RFX3: variants seen among roughly 807,000 people sequenced by gnomAD.
RFX3 encodes the protein transcription factor RFX3.
Under a neutral mutation model 98.6 loss-of-function variants are expected in RFX3, and 14 were observed. That is an observed-to-expected ratio of 0.14 (90% CI 0.09 to 0.22). The LOEUF is 0.22. Ranked by LOEUF, RFX3 falls within the 10% of genes least tolerant of loss-of-function variation. RFX3 has a pLI of 1.00. For missense variants in RFX3, 639 were observed against 926.9 expected (o/e 0.69, Z 4.03); for synonymous variants, 383 against 328.4 (o/e 1.17, Z -1.80).
At chr9:3,493,321 C>G (rs1281708570) in intron 1 of RFX3, among the ~76,000 whole-genome samples, 5 of 152,104 alleles carry the variant, frequency 3.3e-5, no homozygotes, top group Non-Finnish European at 7.4e-5. Flanking sequence ...TGCTATCTAT[C>G]CTACACAGAT....
chr9:3,361,611 C>CA (rs1169622570), intron 2 of RFX3, among the ~76,000 whole-genome samples: 1 of 146,814 alleles, frequency 6.8e-6, no homozygotes, highest in Non-Finnish European at 1.5e-5. Flanking sequence ...TGTTTGAGCC[C>CA]AGGAGGTCAA....
chr9:3,400,772 C>T (rs1841401264), intron 1 of RFX3, among the ~76,000 whole-genome samples: 1 of 152,194 alleles, frequency 6.6e-6, no homozygotes, highest in African/African-American at 2.4e-5. Flanking sequence ...ACACTAAGTG[C>T]TTTAAATACA....
intron 5 of RFX3, among the ~76,000 whole-genome samples, chr9:3,301,165 C>T (rs941717112): frequency 8.6e-5 from 13 of 151,674 alleles, no homozygotes; most frequent in Non-Finnish European, 1.3e-4. Context: ...TTACTGGTCA[C>T]GCAAGTAGAC....
At chr9:3,300,827 CAG>C in intron 5 of RFX3, among the ~76,000 whole-genome samples, 1 of 151,970 alleles carries the variant, frequency 6.6e-6, no homozygotes, top group Non-Finnish European at 1.5e-5. Flanking sequence ...CACATGAGAA[CAG>C]CTGATAAAAA....
At chr9:3,385,568 C>T (rs889966449) in intron 2 of RFX3, among the ~76,000 whole-genome samples, 1 of 151,480 alleles carries the variant, frequency 6.6e-6, no homozygotes, top group African/African-American at 2.4e-5. Flanking sequence ...TTTAGCTTGG[C>T]ATGGCAGTGT....
At chr9:3,424,399 T>C (rs1843779600) in intron 1 of RFX3, among the ~76,000 whole-genome samples, 1 of 126,484 alleles carries the variant, frequency 7.9e-6, no homozygotes, top group Admixed American at 8.8e-5. Flanking sequence ...TCTCGCTCTG[T>C]CGCCCAGGCT....
intron 15 of RFX3, among the ~76,000 whole-genome samples, chr9:3,233,728 C>T (rs1345657766): frequency 6.6e-6 from 1 of 152,188 alleles, no homozygotes; most frequent in African/African-American, 2.4e-5. Flanking sequence ...TAAGCACAGC[C>T]ATCGCTTGCT....
chr9:3,283,146 A>G (rs1826129678), intron 7 of RFX3, among the ~76,000 whole-genome samples: 1 of 151,732 alleles, frequency 6.6e-6, no homozygotes, highest in African/African-American at 2.4e-5. Context: ...TATTAACATC[A>G]ATCAAAGTTA....
At chr9:3,457,570 T>C (rs1298869593) in intron 1 of RFX3, among the ~76,000 whole-genome samples, 1 of 152,176 alleles carries the variant, frequency 6.6e-6, no homozygotes, top group Admixed American at 6.5e-5. Context: ...GTTCTTTTAT[T>C]ATTATTTTTT....
In RFX3 at chr9:3,274,780, C is replaced by G. The variant is rs187813414; in HGVS notation, c.1086+720G>C. On this transcript the variant is annotated intron_variant, in intron 9 of 16. Transcript: ENST00000617270. ...TCTCTCCCCTCTAACTCCCAGTCAC[C>G]CAGTTTCCTTCACAAAGGCAACCAC... 6.6e-3 allele frequency among the ~76,000 whole-genome samples: 1,002 copies of G among 152,004 alleles called. 7 individuals are homozygous for G. Among genetic ancestry groups the G allele is most frequent in the Middle Eastern group, 0.01 (3 of 292 alleles).
chr9:3,289,048 G>A (rs1427610569), intron 6 of RFX3, among the ~76,000 whole-genome samples: 1 of 152,008 alleles, frequency 6.6e-6, no homozygotes, highest in East Asian at 1.9e-4. Context: ...TGCTCTGAAT[G>A]GAATTTGCAA....
rs376416516 is a variant in RFX3, at chr9:3,401,806, C to T, written c.-8-6210G>A. ...TAACGGTTCTTCTTTGTACAGCCAGCTCTGGCTGAATCATGCGAATCTACA... is the reference window on the plus strand; with the variant it reads ...TAACGGTTCTTCTTTGTACAGCCAGTTCTGGCTGAATCATGCGAATCTACA... On this transcript the variant is annotated intron_variant, in intron 1 of 16. Transcript: ENST00000617270. 4.6e-4 allele frequency among the ~76,000 whole-genome samples: 70 copies of T among 152,268 alleles called. 2 individuals carry two copies. Among genetic ancestry groups the T allele is most frequent in the African/African-American group, 1.7e-3 (69 of 41,558 alleles).
intron 3 of RFX3, among the ~76,000 whole-genome samples, chr9:3,341,408 A>G (rs531742132): frequency 2.8e-4 from 38 of 133,524 alleles, no homozygotes; most frequent in Admixed American, 1.7e-3. Context: ...GTATAATAAT[A>G]ATAAAATTAA....
chr9:3,487,693 T>C (rs1289844631), intron 1 of RFX3, among the ~76,000 whole-genome samples: 1 of 152,074 alleles, frequency 6.6e-6, no homozygotes, highest in Non-Finnish European at 1.5e-5. Flanking sequence ...CCCAGTAAAG[T>C]ACTACTCAGA....
chr9:3,468,815 G>GA (rs34057815), intron 1 of RFX3, among the ~76,000 whole-genome samples: 2,579 of 83,894 alleles, frequency 0.031, 64 homozygotes, highest in African/African-American at 0.063. Context: ...TTTTCCTTTT[G>GA]AAAAAAAAAA....
chr9:3,281,380 A>T (rs984366082), intron 7 of RFX3, among the ~76,000 whole-genome samples: 6 of 151,560 alleles, frequency 4.0e-5, no homozygotes, highest in African/African-American at 1.4e-4. Flanking sequence ...GTCAAACAAA[A>T]ACCTTCCTGT....
At chr9:3,486,911 C>T (rs757423119) in intron 1 of RFX3, among the ~76,000 whole-genome samples, 10 of 152,124 alleles carry the variant, frequency 6.6e-5, no homozygotes, top group Non-Finnish European at 1.3e-4. Context: ...AAAGTGAAAA[C>T]ATATTTTGGA....
intron 15 of RFX3, among the ~76,000 whole-genome samples, chr9:3,246,786 G>A (rs894256597): frequency 2.0e-5 from 3 of 152,114 alleles, no homozygotes; most frequent in Non-Finnish European, 2.9e-5. Context: ...AGTGATTCCT[G>A]CTTAATCTCA....
At chr9:3,494,980 T>C (rs759619868) in intron 1 of RFX3, among the ~76,000 whole-genome samples, 1 of 151,994 alleles carries the variant, frequency 6.6e-6, no homozygotes, top group African/African-American at 2.4e-5. Flanking sequence ...CTGGACAAGT[T>C]TGGTAGTTTA....
Sources: allele counts gnomAD v4.1 joint callset (sites outside exome capture counted in the v4.1 genomes callset), GRCh38; gene constraint gnomAD v4.1.1; transcripts MANE v1.5; gene names NCBI Gene and HGNC (gene_info 2026-07-23, HGNC 2026-07-21).